The following JARID2 variants were observed in gnomAD, a reference collection of about 807,000 sequenced individuals.
The protein encoded by JARID2 is jumonji and AT-rich interaction domain containing 2.
Under a neutral mutation model 125.6 loss-of-function variants are expected in JARID2, and 21 were observed. That is an observed-to-expected ratio of 0.17 (90% CI 0.12 to 0.24). JARID2 has a LOEUF of 0.24. Ranked by LOEUF, JARID2 falls within the 10% of genes least tolerant of loss-of-function variation. The pLI is 1.00. For synonymous variants in JARID2, 736 were observed against 661.6 expected, an observed-to-expected ratio of 1.11 and a Z score of -1.73; for missense variants, 1,303 against 1,639.6, an observed-to-expected ratio of 0.79 and a Z score of 3.55.
At chr6:15,413,169 G>A (rs1433364151) in intron 3 of JARID2, among the ~76,000 whole-genome samples, 1 of 151,806 alleles carries the variant, frequency 6.6e-6, no homozygotes, top group Admixed American at 6.6e-5. Context: ...ACAGGCATGC[G>A]CCACTATGCC....
intron 3 of JARID2, among the ~76,000 whole-genome samples, chr6:15,413,018 T>G (rs1451009155): frequency 4.4e-5 from 4 of 91,142 alleles, no homozygotes; most frequent in African/African-American, 8.3e-5. Context: ...GTTTTTTTTT[T>G]TTTTGTTTTT....
chr6:15,462,184 A>G lies in JARID2; in HGVS notation c.494-6358A>G, dbSNP rs144117627. 3.1e-3 allele frequency among the ~76,000 whole-genome samples: 466 copies of G among 152,320 alleles called. 4 individuals carry two copies. Among genetic ancestry groups the G allele is most frequent in the African/African-American group, 0.011 (454 of 41,566 alleles). ...AAGACATGAATGCAAGTCACCTTACAGATAATAATAGCACATGGAGCATCT... is the reference window on the plus strand; with the variant it reads ...AAGACATGAATGCAAGTCACCTTACGGATAATAATAGCACATGGAGCATCT... On this transcript the variant is annotated intron_variant, in intron 4 of 17. Transcript: ENST00000341776.
At chr6:15,437,888 A>G (rs1039209301) in intron 3 of JARID2, among the ~76,000 whole-genome samples, 1 of 152,104 alleles carries the variant, frequency 6.6e-6, no homozygotes, top group Admixed American at 6.5e-5. Flanking sequence ...TTCTTAGAAG[A>G]GGGTGGAGAA....
intron 1 of JARID2, among the ~76,000 whole-genome samples, chr6:15,310,958 G>C (rs1432529126): frequency 6.6e-6 from 1 of 152,166 alleles, no homozygotes. Context: ...TGCCTGCCCA[G>C]TCCCTGTGTG....
chr6:15,409,534 C>T (rs1420524712), intron 2 of JARID2, among the ~76,000 whole-genome samples: 1 of 152,204 alleles, frequency 6.6e-6, no homozygotes, highest in African/African-American at 2.4e-5. Flanking sequence ...ACTTCCATAT[C>T]AGTTAGTACA....
At chr6:15,501,746 C>T (rs183802818) in intron 8 of JARID2, among the ~76,000 whole-genome samples, 15 of 152,280 alleles carry the variant, frequency 9.9e-5, no homozygotes, top group East Asian at 5.8e-4. Flanking sequence ...GAAGATACCA[C>T]GAGTCCATTC....
chr6:15,328,867 C>T (rs988715984), intron 1 of JARID2, among the ~76,000 whole-genome samples: 2 of 152,200 alleles, frequency 1.3e-5, no homozygotes, highest in Non-Finnish European at 2.9e-5. Context: ...AGGACCCTTC[C>T]TTAGATGTCT....
intron 5 of JARID2, among the ~76,000 whole-genome samples, chr6:15,486,713 C>T (rs904016865): frequency 7.2e-5 from 11 of 151,932 alleles, no homozygotes; most frequent in African/African-American, 2.7e-4. Flanking sequence ...TCTGTTGTCA[C>T]TGATAGGTCA....
chr6:15,452,716 A>G (rs974851979), intron 4 of JARID2, among the ~76,000 whole-genome samples: 6 of 152,226 alleles, frequency 3.9e-5, no homozygotes, highest in African/African-American at 1.4e-4. Flanking sequence ...CGGACCAGTT[A>G]ACGGAGGCCA....
At chr6:15,370,953 C>T (rs962371211) in intron 1 of JARID2, among the ~76,000 whole-genome samples, 21 of 152,218 alleles carry the variant, frequency 1.4e-4, no homozygotes, top group African/African-American at 4.1e-4. Context: ...AGATTTGTGT[C>T]TTGCATCAGC....
chr6:15,267,755 T>C (rs1235172039), intron 1 of JARID2, among the ~76,000 whole-genome samples: 1 of 152,160 alleles, frequency 6.6e-6, no homozygotes, highest in Admixed American at 6.5e-5. Flanking sequence ...CCTCTGTAGA[T>C]ATGCAGTAGG....
chr6:15,463,425 C>CTTT (rs745347518), intron 4 of JARID2, among the ~76,000 whole-genome samples: 2 of 88,426 alleles, frequency 2.3e-5, no homozygotes, highest in African/African-American at 9.9e-5. Context: ...GAGCCCTTTC[C>CTTT]TTTTTTTTTT....
At chr6:15,349,705 C>CCCA (rs1763361610) in intron 1 of JARID2, among the ~76,000 whole-genome samples, 1 of 152,238 alleles carries the variant, frequency 6.6e-6, no homozygotes, top group Admixed American at 6.5e-5. Flanking sequence ...GTTCCTCTCC[C>CCCA]CCACCACCCC....
intron 1 of JARID2, among the ~76,000 whole-genome samples, chr6:15,324,710 C>G (rs910544436): frequency 1.3e-5 from 2 of 150,420 alleles, no homozygotes; most frequent in Non-Finnish European, 3.0e-5. Flanking sequence ...ACTTTGCAAA[C>G]TCCTGAGTTC....
chr6:15,509,106 C>T (rs1035860274), intron 12 of JARID2: 19 of 1,289,106 alleles, frequency 1.5e-5, no homozygotes, highest in East Asian at 1.1e-4. Context: ...TCTGGGTCCC[C>T]GCCTGTAATC....
chr6:15,451,667 C>T (rs4715976), intron 3 of JARID2, among the ~76,000 whole-genome samples: 100,209 of 152,052 alleles, frequency 0.66, 33,209 homozygotes, highest in Admixed American at 0.72. Context: ...AATAAATGAA[C>T]ACCATTAAGC....
chr6:15,394,444 T>C (rs551616527), intron 2 of JARID2, among the ~76,000 whole-genome samples: 194 of 152,068 alleles, frequency 1.3e-3, no homozygotes, highest in African/African-American at 4.4e-3. Flanking sequence ...ACAAAAAATA[T>C]AAAAAATTAG....
intron 6 of JARID2, among the ~76,000 whole-genome samples, chr6:15,493,414 A>C (rs1770251750): frequency 6.6e-6 from 1 of 151,824 alleles, no homozygotes; most frequent in African/African-American, 2.4e-5. Context: ...TGATGCCTGA[A>C]CCTCACAGGA....
At chr6:15,392,075 T>TGTGTGTGTGTGTGC (rs1765037697) in intron 2 of JARID2, among the ~76,000 whole-genome samples, 2 of 59,282 alleles carry the variant, frequency 3.4e-5, no homozygotes, top group African/African-American at 1.6e-4. Context: ...TGTGTGTGTG[T>TGTGTGTGTGTGTGC]GTGCGTGTCT....
Sources: allele counts gnomAD v4.1 joint callset (sites outside exome capture counted in the v4.1 genomes callset), GRCh38; gene constraint gnomAD v4.1.1; transcripts MANE v1.5; gene names NCBI Gene and HGNC (gene_info 2026-07-23, HGNC 2026-07-21).